SPAG16: variants seen among roughly 807,000 people sequenced by gnomAD.
SPAG16 encodes the protein sperm associated antigen 16, also known as sperm-associated antigen 16 protein.
SPAG16 carries 86 observed loss-of-function variants against 80.4 expected under a neutral mutation model. The ratio of observed to expected loss-of-function variants is 1.07; its 90% CI spans 0.90 to 1.28. SPAG16 has a LOEUF of 1.28. Among genes scored for constraint, SPAG16 ranks in the 50% most tolerant of loss-of-function variants. The pLI is 0.00. For synonymous variants in SPAG16, 294 were observed against 265.9 expected, an observed-to-expected ratio of 1.11 and a Z score of -1.03; for missense variants, 870 against 765.3, an observed-to-expected ratio of 1.14 and a Z score of -1.61.
At position 213,585,937 on chromosome 2, in the gene SPAG16, CT is replaced by C. The variant is rs909017211; in HGVS notation, c.1070+95856del. ...TGAAACATTTATTACCCTCCTCCTT[CT>C]TTTTTTTTCCAAATGAAAGCATTTA... On this transcript the variant is annotated intron_variant, in intron 10 of 15. Coordinates refer to ENST00000331683, the MANE Select transcript of SPAG16 (RefSeq NM_024532.5). 2.8e-3 allele frequency among the ~76,000 whole-genome samples: 421 copies of C among 151,554 alleles called. 5 individuals are homozygous for C. Among genetic ancestry groups the C allele is most frequent in the African/African-American group, 8.9e-3 (370 of 41,366 alleles).
At chr2:213,993,884 A>G (rs2046394761) in intron 12 of SPAG16, among the ~76,000 whole-genome samples, 3 of 152,220 alleles carry the variant, frequency 2.0e-5, no homozygotes, top group South Asian at 2.1e-4. Context: ...TGGCATTTTC[A>G]TATCCTAAGC....
intron 8 of SPAG16, among the ~76,000 whole-genome samples, chr2:213,374,669 G>A (rs1043877467): frequency 1.3e-5 from 2 of 151,626 alleles, no homozygotes; most frequent in Non-Finnish European, 1.5e-5. Flanking sequence ...TTTCATGTGG[G>A]AAGTTTTGTC....
intron 14 of SPAG16, among the ~76,000 whole-genome samples, chr2:214,130,746 A>G (rs899135258): frequency 1.3e-5 from 2 of 152,196 alleles, no homozygotes; most frequent in African/African-American, 4.8e-5. Flanking sequence ...TATCTGAAAT[A>G]ATGCCAATAA....
Position 214,182,857 on chromosome 2 carries a change from A to T in SPAG16, c.1720+33591A>T, listed in dbSNP as rs994147063. On this transcript the variant is annotated intron_variant, in intron 15 of 15. Transcript: ENST00000331683. ...CAGATTTTTTCCAAACTTCAGAAAA[A>T]TTTTGAAAAAAATAATATGACATAC... 2.6e-5 allele frequency among the ~76,000 whole-genome samples: 4 copies of T among 151,844 alleles called. No individual in the cohort carries two copies. The East Asian group carries it at 5.8e-4, about 22-fold the overall frequency.
chr2:213,724,499 C>T (rs1421271860), intron 10 of SPAG16, among the ~76,000 whole-genome samples: 5 of 152,010 alleles, frequency 3.3e-5, no homozygotes, highest in Admixed American at 1.3e-4. Flanking sequence ...TAAACTGGGC[C>T]GGGTGCAGTG....
chr2:213,362,953 A>C (rs1575368626), intron 7 of SPAG16, among the ~76,000 whole-genome samples: 1 of 152,176 alleles, frequency 6.6e-6, no homozygotes, highest in East Asian at 1.9e-4. Context: ...AGATTTGGAG[A>C]GGACAAATAT....
chr2:214,187,633 G>A (rs1403091558), intron 15 of SPAG16, among the ~76,000 whole-genome samples: 3 of 152,032 alleles, frequency 2.0e-5, no homozygotes, highest in Non-Finnish European at 4.4e-5. Flanking sequence ...GCAGAAGACA[G>A]CAAGGAAGAA....
chr2:213,776,665 G>T (rs779919589), intron 10 of SPAG16, among the ~76,000 whole-genome samples: 1 of 151,872 alleles, frequency 6.6e-6, no homozygotes, highest in Non-Finnish European at 1.5e-5. Context: ...TGTTTAGTTC[G>T]CTAGGTTAGT....
intron 15 of SPAG16, among the ~76,000 whole-genome samples, chr2:214,289,460 AT>A (rs1362576557): frequency 2.0e-5 from 3 of 152,128 alleles, no homozygotes; most frequent in Non-Finnish European, 2.9e-5. Flanking sequence ...TGTACATCTA[AT>A]TTTCCCAGAA....
intron 10 of SPAG16, among the ~76,000 whole-genome samples, chr2:213,547,166 ATATCATTGATATAGTTTCTTCC>A (rs1406429492): frequency 2.0e-5 from 3 of 152,128 alleles, no homozygotes; most frequent in Non-Finnish European, 4.4e-5. Context: ...ATAACCTAAT[ATATCATTGATATAGTTTCTTCC>A]TATCATTGAC....
chr2:214,124,957 G>C (rs1033835106), intron 14 of SPAG16, among the ~76,000 whole-genome samples: 2 of 151,676 alleles, frequency 1.3e-5, no homozygotes, highest in East Asian at 3.9e-4. Flanking sequence ...TCTAACTAAA[G>C]GAATTTAATC....
chr2:213,927,539 T>C (rs2078540078), intron 11 of SPAG16, among the ~76,000 whole-genome samples: 1 of 152,222 alleles, frequency 6.6e-6, no homozygotes, highest in South Asian at 2.1e-4. Context: ...AAAAGAATGT[T>C]CAGAAATTTA....
chr2:213,868,305 A>C (rs1282761774), intron 11 of SPAG16, among the ~76,000 whole-genome samples: 1 of 151,540 alleles, frequency 6.6e-6, no homozygotes, highest in African/African-American at 2.4e-5. Context: ...AAACTTGGCC[A>C]GAAACATCAA....
intron 12 of SPAG16, among the ~76,000 whole-genome samples, chr2:213,931,291 A>C (rs2078741971): frequency 6.6e-6 from 1 of 152,210 alleles, no homozygotes; most frequent in South Asian, 2.1e-4. Flanking sequence ...AGCCTGCCCC[A>C]TAGGAGAAAA....
chr2:213,656,561 G>A (rs897905968), intron 10 of SPAG16, among the ~76,000 whole-genome samples: 12 of 152,154 alleles, frequency 7.9e-5, no homozygotes, highest in Admixed American at 4.6e-4. Flanking sequence ...GTACTCATGA[G>A]GCCTTGTAGT....
intron 10 of SPAG16, among the ~76,000 whole-genome samples, chr2:213,516,187 C>G (rs1042231743): frequency 6.6e-6 from 1 of 152,100 alleles, no homozygotes; most frequent in South Asian, 2.1e-4. Flanking sequence ...GATTAAGAAC[C>G]TACATTTCTT....
chr2:213,880,553 C>G (rs1248122103), intron 11 of SPAG16, among the ~76,000 whole-genome samples: 1 of 152,174 alleles, frequency 6.6e-6, no homozygotes, highest in African/African-American at 2.4e-5. Flanking sequence ...TTTGCCAAAG[C>G]TGATGTCAAG....
chr2:214,107,592 GTTAATT>G (rs751682895), intron 13 of SPAG16, among the ~76,000 whole-genome samples: 5 of 152,084 alleles, frequency 3.3e-5, no homozygotes, highest in Non-Finnish European at 5.9e-5. Flanking sequence ...TGTTTTTGTA[GTTAATT>G]TTAATTTTAG....
chr2:213,598,726 G>A (rs16850503), intron 10 of SPAG16, among the ~76,000 whole-genome samples: 9,090 of 152,198 alleles, frequency 0.06, 896 homozygotes, highest in African/African-American at 0.2. Context: ...CCTTTTGTGG[G>A]GAAAGAGGTA....
Sources: allele counts gnomAD v4.1 joint callset (sites outside exome capture counted in the v4.1 genomes callset), GRCh38; gene constraint gnomAD v4.1.1; transcripts MANE v1.5; gene names NCBI Gene and HGNC (gene_info 2026-07-23, HGNC 2026-07-21).